Variants in UAP1 observed in about 807,000 individuals in gnomAD.
The protein encoded by UAP1 is UDP-N-acetylhexosamine pyrophosphorylase.
A neutral mutation model predicts 58.5 loss-of-function variants in UAP1; 25 were observed. The ratio of observed to expected loss-of-function variants is 0.43; its 90% CI spans 0.31 to 0.60. The LOEUF is 0.60. Ranked by LOEUF, UAP1 falls within the 20% of genes least tolerant of loss-of-function variation. UAP1 has a pLI of 0.11. For missense variants in UAP1, 575 were observed against 630.0 expected (o/e 0.91, Z 0.93); for synonymous variants, 208 against 213.0 (o/e 0.98, Z 0.21).
chr1:162,571,362 T>C (rs12129071), intron 2 of UAP1, among the ~76,000 whole-genome samples: 1 of 151,826 alleles, frequency 6.6e-6, no homozygotes. Flanking sequence ...ACTCCTGACC[T>C]CAAGTGATTT....
chr1:162,563,773 A>G (rs115590880), intron 1 of UAP1, among the ~76,000 whole-genome samples: 1,874 of 152,202 alleles, frequency 0.012, 43 homozygotes, highest in African/African-American at 0.043. Flanking sequence ...TGTTATAGTA[A>G]TATGTTTGTG....
rs1157196470 is a variant in UAP1 at position 162,599,438 on chromosome 1, C to T, written c.*75C>T. ...ATAGACCAACTGTGAACCTACAAGA[C>T]GTCTTGGACAACTGAAGTTTAAATA... On this transcript the variant is annotated 3_prime_UTR_variant, in exon 11 of 11. Transcript: ENST00000271469. 11 of 941,652 alleles carry T rather than the reference C, an allele frequency of 1.2e-5. No individual in the cohort carries two copies. The East Asian group carries it at 1.6e-4, about 13-fold the overall frequency. The allele number at this position is 941,652 out of a possible 1,614,324, so 58.3% of individuals were successfully genotyped here.
exon 3 of UAP1, chr1:162,576,902 T>G: frequency 6.2e-7 from 1 of 1,614,164 alleles, no homozygotes; most frequent in South Asian, 1.1e-5. Flanking sequence ...TAAGACACTT[T>G]TTCAGATTCA....
intron 1 of UAP1, among the ~76,000 whole-genome samples, chr1:162,562,799 A>G (rs1043079543): frequency 6.6e-6 from 1 of 152,164 alleles, no homozygotes; most frequent in African/African-American, 2.4e-5. Context: ...GTTGGTGGTT[A>G]TGTCTCAACT....
chr1:162,566,311 A>G (rs1450573491), exon 2 of UAP1: 2 of 1,614,078 alleles, frequency 1.2e-6, no homozygotes, highest in African/African-American at 1.3e-5. Context: ...GCAGTGCTAC[A>G]AGGGATCAAG....
At chr1:162,586,442 C>T (rs1178245682) in intron 5 of UAP1, among the ~76,000 whole-genome samples, 1 of 152,164 alleles carries the variant, frequency 6.6e-6, no homozygotes, top group Non-Finnish European at 1.5e-5. Flanking sequence ...ATCCTCTTTC[C>T]TCAGTCTCCC....
intron 1 of UAP1, among the ~76,000 whole-genome samples, chr1:162,565,476 G>T (rs1241507511): frequency 6.6e-6 from 1 of 152,142 alleles, no homozygotes; most frequent in Non-Finnish European, 1.5e-5. Flanking sequence ...GAAATGAAAT[G>T]TATTTTTCCT....
chr1:162,578,994 A>G (rs927084364), intron 3 of UAP1, among the ~76,000 whole-genome samples: 2 of 152,192 alleles, frequency 1.3e-5, no homozygotes, highest in Non-Finnish European at 1.5e-5. Context: ...TGATTTTTAA[A>G]TGGAGGGTTA....
In UAP1 at chr1:162,576,957, A is replaced by G. The variant is rs764252034; in HGVS notation, c.461A>G (p.Tyr154Cys). The change falls in exon 3 of 11, where the codon TAT becomes TGT. Residue 154 changes from tyrosine to cysteine, a missense_variant. By Grantham distance (194) the Tyr-to-Cys change is radical. Coordinates refer to ENST00000271469, the Ensembl canonical transcript of UAP1. ...CTACAGCAGGTTGCTGAAAAATATTATGGCAACAAATGCATTATTCCATGG... is the reference window on the plus strand; with the variant it reads ...CTACAGCAGGTTGCTGAAAAATATTGTGGCAACAAATGCATTATTCCATGG... 1.2e-6 allele frequency: 2 copies of G among 1,614,196 alleles called. No individual in the cohort carries two copies. The highest frequency in any genetic ancestry group is 2.2e-5 in the East Asian group (1 of 44,882).
chr1:162,572,602 ATGTAC>A (rs1360372613), intron 2 of UAP1, among the ~76,000 whole-genome samples: 1 of 152,252 alleles, frequency 6.6e-6, no homozygotes, highest in African/African-American at 2.4e-5. Context: ...TATGAAGAAA[ATGTAC>A]TGTATAAAAA....
At chr1:162,589,169 ATAAATAT>A (rs1557977471) in intron 7 of UAP1, among the ~76,000 whole-genome samples, 2 of 102,638 alleles carry the variant, frequency 1.9e-5, no homozygotes, top group African/African-American at 7.8e-5. Flanking sequence ...TATATAATAT[ATAAATAT>A]TATATATAAT....
exon 11 of UAP1, chr1:162,599,631 G>A (rs559536302): frequency 1.4e-5 from 4 of 281,690 alleles, no homozygotes; most frequent in East Asian, 6.6e-5. Context: ...AGGAAATTTC[G>A]TACAGCTGAA....
At chr1:162,598,915 CT>C (rs1655770521) in intron 10 of UAP1, among the ~76,000 whole-genome samples, 1 of 151,848 alleles carries the variant, frequency 6.6e-6, no homozygotes, top group Non-Finnish European at 1.5e-5. Context: ...ACTTAGGAGG[CT>C]GAGGCACGAG....
intron 2 of UAP1, among the ~76,000 whole-genome samples, chr1:162,575,818 A>C (rs1654147184): frequency 6.7e-6 from 1 of 149,518 alleles, no homozygotes; most frequent in Admixed American, 6.7e-5. Flanking sequence ...CTCCTGTTTC[A>C]GCCTACAGGT....
chr1:162,590,321 AG>A lies in UAP1; in HGVS notation c.1170del. 1 of 1,609,074 alleles carries A rather than the reference AG, an allele frequency of 6.2e-7. No homozygotes were observed. The highest frequency in any genetic ancestry group is 8.5e-7 in the Non-Finnish European group (1 of 1,178,184). On this transcript the variant is annotated splice_acceptor_variant, in intron 7 of 10. Coordinates refer to ENST00000271469, the Ensembl canonical transcript of UAP1. LOFTEE classifies it high-confidence loss of function. ...AGAGGTCTTTATATGGTTTCGCTCT[AG>A]GAAGTTTGTGGTATATGAAGTATTG...
Position 162,590,603 on chromosome 1 carries a change from T to C in UAP1, c.1358+92T>C, listed in dbSNP as rs945732596. The C allele has an allele frequency of 7.8e-6, 9 of 1,155,720 alleles. No homozygotes were observed. In the African/African-American group the frequency reaches 1.1e-4, roughly 14 times the overall value. The allele number at this position is 1,155,720 out of a possible 1,614,324, so 71.6% of individuals were successfully genotyped here. ...CTCTCTCTCTCTCTGTATTCCTAGA[T>C]CTTTTTTAAAAAGCAAAGTTTTGAT... On this transcript the variant is annotated intron_variant, in intron 8 of 10. Transcript: ENST00000271469.
At chr1:162,575,753 T>G (rs773137780) in intron 2 of UAP1, among the ~76,000 whole-genome samples, 13 of 151,442 alleles carry the variant, frequency 8.6e-5, no homozygotes, top group Non-Finnish European at 1.8e-4. Flanking sequence ...CAGGCTGGAG[T>G]GCAGTGGCGC....
chr1:162,600,216 C>T (rs180922158), downstream of UAP1, among the ~76,000 whole-genome samples: 717 of 152,262 alleles, frequency 4.7e-3, 5 homozygotes, highest in African/African-American at 0.016. Flanking sequence ...GTGTCAAGGT[C>T]GAGAAGCCTT....
intron 6 of UAP1, 199 bp downstream of exon 6, chr1:162,587,867 A>G: frequency 7.7e-6 from 4 of 516,416 alleles, no homozygotes; most frequent in Non-Finnish European, 1.3e-5. Context: ...ATCGGAGCCC[A>G]TTCCCCAGCG....
Sources: allele counts gnomAD v4.1 joint callset (sites outside exome capture counted in the v4.1 genomes callset), GRCh38; gene constraint gnomAD v4.1.1; transcripts MANE v1.5; gene names NCBI Gene and HGNC (gene_info 2026-07-23, HGNC 2026-07-21).